Variants in FUBP1 observed in about 807,000 individuals in gnomAD.
FUBP1 encodes far upstream element binding protein 1.
In FUBP1, 16 loss-of-function variants were observed where a neutral mutation model predicts 94.9. The observed-to-expected ratio is 0.17, with a 90% CI of 0.11 to 0.26. The LOEUF is 0.26. FUBP1 is among the 10% of genes least tolerant of loss of function. FUBP1 has a pLI of 1.00. For synonymous variants in FUBP1, 279 were observed against 254.9 expected, an observed-to-expected ratio of 1.09 and a Z score of -0.90; for missense variants, 583 against 808.6, an observed-to-expected ratio of 0.72 and a Z score of 3.38.
chr1:77,975,416 T>C (rs1369169203), intron 1 of FUBP1, among the ~76,000 whole-genome samples: 5 of 143,418 alleles, frequency 3.5e-5, no homozygotes. Context: ...CTGATGGAAA[T>C]AAAAAAAAAA....
At chr1:77,964,009 G>A (rs2102389130) in intron 12 of FUBP1, 53 bp downstream of exon 12, 1 of 1,071,444 alleles carries the variant, frequency 9.3e-7, no homozygotes, top group Non-Finnish European at 1.5e-6. Flanking sequence ...TTTCATGAAG[G>A]AAAATACTTT....
chr1:77,977,309 G>A (rs1658815130), intron 1 of FUBP1, among the ~76,000 whole-genome samples: 1 of 152,148 alleles, frequency 6.6e-6, no homozygotes, highest in Non-Finnish European at 1.5e-5. Context: ...TTCGAGACCA[G>A]CCTGGCCAGC....
At chr1:77,964,806 A>G in intron 9 of FUBP1, 59 bp from the exon 10 acceptor site, 1 of 1,487,134 alleles carries the variant, frequency 6.7e-7, no homozygotes, top group Non-Finnish European at 9.4e-7. Flanking sequence ...TTAATTATTC[A>G]TGCATATTTT....
chr1:77,969,942 C>CT lies in FUBP1; in HGVS notation c.193dup (p.Arg65LysfsTer12). ...TAACTTACCTCCATCTTCTAAAGGT[C>CT]TTTTTTGTCCCCCATAACCATAGTC... is the stretch of plus-strand genomic sequence containing the variant. On this transcript the variant is annotated frameshift_variant, in exon 2 of 20. Transcript: ENST00000370768. LOFTEE classifies it high-confidence loss of function. 6.4e-7 allele frequency: 1 copy of CT among 1,552,600 alleles called. No homozygotes were observed. Among genetic ancestry groups the CT allele is most frequent in the Non-Finnish European group, 8.9e-7 (1 of 1,129,298 alleles).
rs994211264 is a variant in FUBP1, at chr1:77,948,174, A to C, written c.*592T>G. 5 of 1,043,522 alleles carry C rather than the reference A, an allele frequency of 4.8e-6. No homozygotes were observed. The African/African-American group carries it at 8.3e-5, about 17-fold the overall frequency. 64.6% of individuals were successfully genotyped at this position (1,043,522 alleles called of 1,614,324 possible). On this transcript the variant is annotated 3_prime_UTR_variant, in exon 20 of 20. Transcript: ENST00000370768. ...CACATGCAGTTTTTAATCAAACAGA[A>C]GGAAAAAAAATGAAGATATCAGGAT...
At chr1:77,970,459 T>C (rs1657312706) in intron 1 of FUBP1, among the ~76,000 whole-genome samples, 1 of 152,198 alleles carries the variant, frequency 6.6e-6, no homozygotes, top group Non-Finnish European at 1.5e-5. Flanking sequence ...GAAATGATAC[T>C]TGCTCTAAGT....
rs533319749 is a variant in FUBP1, at chr1:77,978,487, C to T, written c.120+398G>A. ...GCTACTTTAATGATAAATCCCTTCC[C>T]TTGCTATGGCTCCAGGACAGACCCT... is the stretch of plus-strand genomic sequence containing the variant. On this transcript the variant is annotated intron_variant, in intron 1 of 19. Transcript: ENST00000370768. 1.1e-3 allele frequency among the ~76,000 whole-genome samples: 167 copies of T among 152,366 alleles called. 5 individuals carry two copies. In the South Asian group the frequency reaches 0.029, roughly 27 times the overall value.
chr1:77,969,940 G>A lies in FUBP1; in HGVS notation c.196C>T (p.Pro66Ser), dbSNP rs1657209161. 2 of 1,523,730 alleles carry A rather than the reference G, an allele frequency of 1.3e-6. No individual in the cohort carries two copies. Among genetic ancestry groups the A allele is most frequent in the Non-Finnish European group, 1.8e-6 (2 of 1,104,566 alleles). 94.4% of individuals were successfully genotyped at this position (1,523,730 alleles called of 1,614,324 possible). A position where few individuals can be genotyped will look rare whatever the true frequency, so the allele number is the denominator to read the frequency against. Reference sequence around the variant, plus strand: ...TATAACTTACCTCCATCTTCTAAAGGTCTTTTTTGTCCCCCATAACCATAG... The same window carrying A: ...TATAACTTACCTCCATCTTCTAAAGATCTTTTTTGTCCCCCATAACCATAG... ...NDYGYGGQKR[P>S]LEDGDQPDAK... Residue 66 changes from proline (P) to serine (S), a missense_variant, in exon 2 of 20, where the codon CCT becomes TCT. Coordinates refer to ENST00000370768, the MANE Select transcript of FUBP1 (RefSeq NM_003902.5).
In FUBP1 at chr1:77,966,867, T is replaced by C. The variant is rs373507801; in HGVS notation, c.415+17A>G. 11 of 1,488,140 alleles carry C rather than the reference T, an allele frequency of 7.4e-6. No homozygotes were observed. The Admixed American group carries it at 1.3e-4, about 18-fold the overall frequency. 92.2% of individuals were successfully genotyped at this position (1,488,140 alleles called of 1,614,324 possible). ...TTTTCTAGTCACACTGAAAATACCA[T>C]GAGAATGTAACATTACCAGGAGCTA... On this transcript the variant is annotated intron_variant, in intron 6 of 19. Transcript: ENST00000370768.
chr1:77,978,423 G>A (rs555983529), intron 1 of FUBP1, among the ~76,000 whole-genome samples: 1 of 152,218 alleles, frequency 6.6e-6, no homozygotes, highest in Non-Finnish European at 1.5e-5. Flanking sequence ...TACTGAAAGC[G>A]GTTTTAATTG....
chr1:77,979,291 G>C, upstream of FUBP1: 1 of 405,664 alleles, frequency 2.5e-6, no homozygotes, highest in South Asian at 3.9e-5. Context: ...GCGCGTTCTT[G>C]GGGTGAGGCT....
rs1652728628 is a variant in FUBP1, at chr1:77,948,780, C to G, written c.1927-6G>C. The G allele has an allele frequency of 6.2e-7, 1 of 1,606,028 alleles. No individual in the cohort carries two copies. Among genetic ancestry groups the G allele is most frequent in the Admixed American group, 1.7e-5 (1 of 59,942 alleles). On this transcript the variant is annotated splice_polypyrimidine_tract_variant and splice_region_variant and intron_variant, in intron 19 of 19. Coordinates refer to ENST00000370768, the MANE Select transcript of FUBP1 (RefSeq NM_003902.5). ...TCCACTTCTTATTATTGGCCCTGTG[C>G]AGAAGAGATACATAAGAAATACACA...
chr1:77,964,610 G>T, intron 10 of FUBP1, 36 bp downstream of exon 10: 1 of 1,091,632 alleles, frequency 9.2e-7, no homozygotes, highest in Non-Finnish European at 1.4e-6. Context: ...TTATGAATTA[G>T]CATACAACCA....
Position 77,965,207 on chromosome 1 carries a change from C to T in FUBP1, c.498G>A (p.Gln166=), listed in dbSNP as rs749119435. 1 of 1,608,122 alleles carries T rather than the reference C, an allele frequency of 6.2e-7. No homozygotes were observed. The highest frequency in any genetic ancestry group is 1.1e-5 in the South Asian group (1 of 90,928). The part of the protein sequence containing the change: ...SVQSAKRLLD[Q]IVEKGRPAPG... Reference sequence around the variant, plus strand: ...GAGCTGGTCTTCCTTTTTCAACAATCTGGTCCAGTAACCGTTTTGCTGACC... The same window carrying T: ...GAGCTGGTCTTCCTTTTTCAACAATTTGGTCCAGTAACCGTTTTGCTGACC... Residue 166 remains glutamine, a synonymous_variant, in exon 8 of 20, where the codon CAG becomes CAA. Transcript: ENST00000370768.
intron 16 of FUBP1, among the ~76,000 whole-genome samples, chr1:77,959,072 A>G (rs1571272355): frequency 2.0e-5 from 3 of 152,216 alleles, no homozygotes; most frequent in East Asian, 3.8e-4. Context: ...TATTCCAAAC[A>G]GCACACTTCC....
chr1:77,954,748 T>C (rs780082336), intron 18 of FUBP1, among the ~76,000 whole-genome samples: 1 of 152,198 alleles, frequency 6.6e-6, no homozygotes, highest in South Asian at 2.1e-4. Context: ...AGCTGAAATA[T>C]AGTGATTTGT....
intron 18 of FUBP1, among the ~76,000 whole-genome samples, chr1:77,951,177 A>G (rs556518580): frequency 6.6e-6 from 1 of 152,328 alleles, no homozygotes; most frequent in Admixed American, 6.5e-5. Context: ...CAGGTTTTAA[A>G]CCCCATTGTA....
chr1:77,958,550 T>C (rs1049133786), intron 16 of FUBP1, among the ~76,000 whole-genome samples: 1 of 152,242 alleles, frequency 6.6e-6, no homozygotes, highest in African/African-American at 2.4e-5. Context: ...AGTAACCCTT[T>C]GATAAATCTG....
chr1:77,961,733 A>G (rs1311082787), intron 14 of FUBP1, among the ~76,000 whole-genome samples: 1 of 152,226 alleles, frequency 6.6e-6, no homozygotes, highest in African/African-American at 2.4e-5. Flanking sequence ...CATGAATCCA[A>G]CAGAAATCCT....
Sources: allele counts gnomAD v4.1 joint callset (sites outside exome capture counted in the v4.1 genomes callset), GRCh38; gene constraint gnomAD v4.1.1; transcripts MANE v1.5; gene names NCBI Gene and HGNC (gene_info 2026-07-23, HGNC 2026-07-21).